The following LTBP1 variants were observed in gnomAD, a reference collection of about 807,000 sequenced individuals.
LTBP1 encodes latent-transforming growth factor beta-binding protein 1.
Under a neutral mutation model 207.6 loss-of-function variants are expected in LTBP1, and 129 were observed. That is an observed-to-expected ratio of 0.62 (90% confidence interval 0.54 to 0.72). The LOEUF (loss-of-function observed/expected upper bound fraction) is 0.72. Ranked by LOEUF, LTBP1 falls within the 30% of genes least tolerant of loss-of-function variation. The pLI, the probability that LTBP1 is intolerant of heterozygous loss-of-function variation, is 0.00. For missense variants in LTBP1, 2,281 were observed against 2,217.2 expected (o/e 1.03, Z -0.58); for synonymous variants, 963 against 833.7 (o/e 1.16, Z -2.67).
chr2:33,336,235 A>C (rs1387820730), intron 24 of LTBP1, among the ~76,000 whole-genome samples: 16 of 152,210 alleles, frequency 1.1e-4, no homozygotes. Context: ...ATAGTGGGCA[A>C]ACTCCAGTGT....
At chr2:33,332,441 A>G (rs1426490885) in intron 24 of LTBP1, among the ~76,000 whole-genome samples, 1 of 151,204 alleles carries the variant, frequency 6.6e-6, no homozygotes, top group Non-Finnish European at 1.5e-5. Flanking sequence ...AAAATTTAGA[A>G]AATTCTGAGA....
intron 2 of LTBP1, among the ~76,000 whole-genome samples, chr2:33,003,379 T>A (rs570742139): frequency 1.4e-4 from 22 of 152,346 alleles, no homozygotes; most frequent in Non-Finnish European, 2.6e-4. Context: ...TTATAGATGT[T>A]GCAGTTGAGG....
intron 22 of LTBP1, 40 bp downstream of exon 22, chr2:33,301,684 G>C: frequency 1.3e-6 from 2 of 1,516,358 alleles, no homozygotes; most frequent in Middle Eastern, 1.8e-4. Flanking sequence ...AAAATGCCCA[G>C]ATCGGAGGGA....
intron 5 of LTBP1, among the ~76,000 whole-genome samples, chr2:33,166,071 T>G (rs564526737): frequency 1.2e-3 from 176 of 151,904 alleles, no homozygotes; most frequent in African/African-American, 4.1e-3. Flanking sequence ...ATGTATGTTT[T>G]TTTTTTTTTT....
intron 5 of LTBP1, among the ~76,000 whole-genome samples, chr2:33,144,619 G>T (rs2082875295): frequency 6.6e-6 from 1 of 152,208 alleles, no homozygotes; most frequent in Non-Finnish European, 1.5e-5. Context: ...TTTGCTGTTG[G>T]TTGTGTAACT....
chr2:33,189,196 T>C (rs533006389), intron 7 of LTBP1, among the ~76,000 whole-genome samples: 2 of 151,824 alleles, frequency 1.3e-5, no homozygotes, highest in Non-Finnish European at 2.9e-5. Flanking sequence ...TGTTTATTGA[T>C]TGATTGATTG....
In LTBP1 at chr2:33,257,448, G is replaced by A. The variant is rs1256481172; in HGVS notation, c.2332G>A (p.Glu778Lys). The change falls in exon 12 of 34, where the codon GAA becomes AAA. Residue 778 changes from glutamate (E) to lysine (K), a missense_variant. Around this residue, in one of 3 missense-constraint regions of LTBP1, gnomAD observed 1,671 missense variants for 1,634.8 expected, o/e 1.02. Transcript: ENST00000404816. Reference sequence around the variant, plus strand: ...TCATCCTCCACCTCTCCCAGCCAAGGAAGAGCCAGTGGAGGCCCTGACCTT... The same window carrying A: ...TCATCCTCCACCTCTCCCAGCCAAGAAAGAGCCAGTGGAGGCCCTGACCTT... ...STHPPPLPAK[E>K]EPVEALTFSR... The A allele has an allele frequency of 3.1e-6, 5 of 1,614,226 alleles. No individual in the cohort carries two copies. The highest frequency in any genetic ancestry group is 4.2e-6 in the Non-Finnish European group (5 of 1,180,034).
chr2:33,370,618 G>A (rs2095056298), intron 31 of LTBP1, among the ~76,000 whole-genome samples: 2 of 152,168 alleles, frequency 1.3e-5, no homozygotes, highest in Admixed American at 1.3e-4. Flanking sequence ...AAGAATATGT[G>A]AATTTTAAAA....
In LTBP1 at chr2:33,060,548, G is replaced by T. The variant is rs144152986; in HGVS notation, c.863+39342G>T. Reference sequence around the variant, plus strand: ...TGTGTATGTATGTGTGTGTGTGTTTGGGGGGGATGTGTGTGTATGATATAT... The same window carrying T: ...TGTGTATGTATGTGTGTGTGTGTTTTGGGGGGATGTGTGTGTATGATATAT... On this transcript the variant is annotated intron_variant, in intron 3 of 33. Transcript: ENST00000404816. 3.8e-3 allele frequency among the ~76,000 whole-genome samples: 573 copies of T among 151,188 alleles called. 1 individual carries two copies. Among genetic ancestry groups the T allele is most frequent in the South Asian group, 0.029 (139 of 4,766 alleles).
intron 19 of LTBP1, among the ~76,000 whole-genome samples, chr2:33,290,230 T>C (rs77546935): frequency 6.6e-6 from 1 of 152,224 alleles, no homozygotes; most frequent in Non-Finnish European, 1.5e-5. Context: ...AATGAACTAA[T>C]CACCTCTTAA....
chr2:32,988,692 G>T (rs902616345), intron 2 of LTBP1, among the ~76,000 whole-genome samples: 1 of 152,182 alleles, frequency 6.6e-6, no homozygotes, highest in Admixed American at 6.5e-5. Flanking sequence ...AAGTGTGAAC[G>T]CCCTTCAGGA....
chr2:33,126,582 A>G lies in LTBP1; in HGVS notation c.1034-8211A>G, dbSNP rs139245040. Among the ~76,000 whole-genome samples, 145 of 152,348 alleles carry G rather than the reference A, an allele frequency of 9.5e-4. 1 individual carries two copies. The highest frequency in any genetic ancestry group is 5.0e-3 in the Admixed American group (77 of 15,302). ...AAAAAGAATTAGCTGACAGCTGGAA[A>G]ACTTAGAGTGTACAACTATACATCA... On this transcript the variant is annotated intron_variant, in intron 4 of 33. Coordinates refer to ENST00000404816, the MANE Select transcript of LTBP1 (RefSeq NM_206943.4).
chr2:33,082,050 C>A (rs1019306485), intron 3 of LTBP1, among the ~76,000 whole-genome samples: 10 of 152,170 alleles, frequency 6.6e-5, no homozygotes, highest in Non-Finnish European at 1.2e-4. Context: ...CAGACTAATA[C>A]AATTGCCACT....
intron 2 of LTBP1, among the ~76,000 whole-genome samples, chr2:32,987,612 T>C (rs1683790238): frequency 1.3e-5 from 2 of 152,190 alleles, no homozygotes; most frequent in Non-Finnish European, 2.9e-5. Flanking sequence ...TATGTGAGAA[T>C]CTTATAATTC....
At chr2:33,193,373 C>T (rs1558790215) in intron 7 of LTBP1, among the ~76,000 whole-genome samples, 2 of 152,278 alleles carry the variant, frequency 1.3e-5, no homozygotes, top group South Asian at 2.1e-4. Context: ...AACTCCTGAC[C>T]TCAGGTGATC....
At chr2:33,187,132 C>T (rs760602343) in intron 6 of LTBP1, 52 bp downstream of exon 6, 7 of 1,517,570 alleles carry the variant, frequency 4.6e-6, no homozygotes, top group Non-Finnish European at 6.4e-6. Flanking sequence ...ACCTGCCAAA[C>T]CCACATAGAA....
rs183708507 is a variant in LTBP1 at position 33,368,663 on chromosome 2, G to A, written c.4711+3160G>A. On this transcript the variant is annotated intron_variant, in intron 31 of 33. Transcript: ENST00000404816. ...AGGCCGAGGTGGGTGGATTGCCTGA[G>A]CTCGGGAGTTTGAGACCAGCCTGGG... 2.4e-3 allele frequency among the ~76,000 whole-genome samples: 362 copies of A among 152,356 alleles called. 1 individual carries two copies. The highest frequency in any genetic ancestry group is 8.1e-3 in the African/African-American group (338 of 41,584).
chr2:33,180,319 C>T (rs549149780), intron 5 of LTBP1, among the ~76,000 whole-genome samples: 1 of 152,284 alleles, frequency 6.6e-6, no homozygotes, highest in South Asian at 2.1e-4. Flanking sequence ...AGGACTAGGC[C>T]TTCCTGGTTC....
intron 5 of LTBP1, among the ~76,000 whole-genome samples, chr2:33,176,540 T>C (rs990539005): frequency 6.6e-6 from 1 of 152,178 alleles, no homozygotes; most frequent in Non-Finnish European, 1.5e-5. Flanking sequence ...CATGTTAATT[T>C]AATATATTAA....
Sources: allele counts gnomAD v4.1 joint callset (sites outside exome capture counted in the v4.1 genomes callset), GRCh38; gene constraint gnomAD v4.1.1; regional missense constraint gnomAD v4.1.1; transcripts MANE v1.5; gene names NCBI Gene and HGNC (gene_info 2026-07-23, HGNC 2026-07-21).